Variants in ARPP21 observed in about 807,000 individuals in gnomAD.
ARPP21 encodes the protein cAMP regulated phosphoprotein 21.
ARPP21 carries 69 observed loss-of-function variants against 113.2 expected under a neutral mutation model. The ratio of observed to expected loss-of-function variants is 0.61; its 90% CI spans 0.50 to 0.74. The LOEUF (loss-of-function observed/expected upper bound fraction) is 0.74, where lower values mean the gene tolerates loss of function less well. Ranked by LOEUF, ARPP21 falls within the 30% of genes least tolerant of loss-of-function variation. The probability of loss-of-function intolerance (pLI) is 0.00; values close to 1 mark genes in which losing one functional copy is unlikely to be tolerated. For synonymous variants in ARPP21, 368 were observed against 375.5 expected (o/e 0.98, Z 0.23); for missense variants, 1,070 against 1,037.4 (o/e 1.03, Z -0.43).
At chr3:35,741,257 C>A (rs2094639550) in intron 18 of ARPP21, among the ~76,000 whole-genome samples, 1 of 152,168 alleles carries the variant, frequency 6.6e-6, no homozygotes, top group South Asian at 2.1e-4. Flanking sequence ...CCTTCTTTAA[C>A]AGATTTTTAA....
intron 19 of ARPP21, among the ~76,000 whole-genome samples, chr3:35,747,589 A>G (rs896610845): frequency 3.3e-5 from 5 of 152,064 alleles, no homozygotes; most frequent in Non-Finnish European, 7.4e-5. Flanking sequence ...TTGATAGCCC[A>G]AGTCTGTGTG....
At chr3:35,667,968 A>T (rs867622462) in intron 1 of ARPP21, among the ~76,000 whole-genome samples, 1 of 120,100 alleles carries the variant, frequency 8.3e-6, no homozygotes, top group East Asian at 2.3e-4. Flanking sequence ...AAGAAGAAGA[A>T]GAAGAAGAAG....
intron 11 of ARPP21, among the ~76,000 whole-genome samples, chr3:35,710,671 T>A (rs1175558740): frequency 1.3e-5 from 2 of 151,784 alleles, no homozygotes; most frequent in African/African-American, 4.8e-5. Context: ...ACACATAAAA[T>A]GCACATGCAA....
chr3:35,679,730 C>G (rs1171717134), intron 1 of ARPP21, 57 bp from the exon 2 acceptor site: 1 of 151,966 alleles, frequency 6.6e-6, no homozygotes, highest in African/African-American at 2.4e-5. Context: ...TTTATTTCAT[C>G]CTTCACCCTA....
Position 35,744,466 on chromosome 3 carries a change from C to T in ARPP21, c.2137+501C>T, listed in dbSNP as rs376370075. ...GGCCACATGCCTCCTGCCCAGAGCC[C>T]GGCAGCCACTGTGCAGTGGGAAGGG... On this transcript the variant is annotated intron_variant, in intron 19 of 20. Transcript: ENST00000684406. The T allele has an allele frequency of 4.0e-4, 211 of 526,670 alleles. 1 individual carries two copies. Among genetic ancestry groups the T allele is most frequent in the Non-Finnish European group, 6.3e-4 (163 of 257,322 alleles). 32.6% of individuals were successfully genotyped at this position (526,670 alleles called of 1,614,324 possible). A position where few individuals can be genotyped will look rare whatever the true frequency, so the allele number is the denominator to read the frequency against.
chr3:35,736,294 C>G (rs541899661), intron 15 of ARPP21, among the ~76,000 whole-genome samples: 15 of 152,258 alleles, frequency 9.9e-5, no homozygotes, highest in Middle Eastern at 3.4e-3. Flanking sequence ...TTTATGCCCC[C>G]ACACCCGCTC....
chr3:35,780,998 C>T (rs2096513329), intron 19 of ARPP21, among the ~76,000 whole-genome samples: 1 of 151,972 alleles, frequency 6.6e-6, no homozygotes, highest in Admixed American at 6.6e-5. Context: ...CTATAGCACC[C>T]CTCAGTGAGT....
intron 1 of ARPP21, among the ~76,000 whole-genome samples, chr3:35,643,063 A>G (rs942493855): frequency 6.6e-6 from 1 of 152,266 alleles, no homozygotes; most frequent in African/African-American, 2.4e-5. Flanking sequence ...CAACATTTGT[A>G]TATATGCAGA....
intron 13 of ARPP21, among the ~76,000 whole-genome samples, chr3:35,720,623 C>T (rs1007921816): frequency 7.2e-5 from 11 of 152,054 alleles, no homozygotes; most frequent in African/African-American, 9.7e-5. Flanking sequence ...AGGTATTTTA[C>T]GGATGCATTA....
rs566158106 is a variant in ARPP21, at chr3:35,719,365, T to G, written c.995+2008T>G. 3.7e-4 allele frequency among the ~76,000 whole-genome samples: 57 copies of G among 152,328 alleles called. 1 individual carries two copies. Among genetic ancestry groups the G allele is most frequent in the Admixed American group, 3.6e-3 (55 of 15,296 alleles). Reference sequence around the variant, plus strand: ...AAGCGGCAACTTAAATTTTCTTTTTTAAATGTACAGATTATGGCTTAGGAC... The same window carrying G: ...AAGCGGCAACTTAAATTTTCTTTTTGAAATGTACAGATTATGGCTTAGGAC... On this transcript the variant is annotated intron_variant, in intron 13 of 20. Coordinates refer to ENST00000684406, the MANE Select transcript of ARPP21 (RefSeq NM_001385562.1).
chr3:35,642,350 G>T (rs1698386396), intron 1 of ARPP21: 1 of 152,170 alleles, frequency 6.6e-6, no homozygotes, highest in South Asian at 2.1e-4. Flanking sequence ...AATAAAAGAA[G>T]CATGAGGGAA....
intron 19 of ARPP21, chr3:35,792,078 C>G (rs901628041): frequency 2.3e-5 from 5 of 217,302 alleles, no homozygotes; most frequent in Non-Finnish European, 1.8e-5. Flanking sequence ...TTATAGTAGT[C>G]AATTGGTATC....
intron 13 of ARPP21, 154 bp downstream of exon 13, chr3:35,717,511 C>A (rs2092581737): frequency 1.8e-6 from 1 of 561,860 alleles, no homozygotes; most frequent in South Asian, 2.4e-5. Flanking sequence ...GCGTGGAAGT[C>A]ATATTGGGTA....
In ARPP21 at chr3:35,669,953, C is replaced by T. The variant is rs904181565; in HGVS notation, c.-212-9834C>T. 2.0e-5 allele frequency among the ~76,000 whole-genome samples: 3 copies of T among 152,182 alleles called. No homozygotes were observed. In the East Asian group the frequency reaches 5.8e-4, roughly 30 times the overall value. ...TTCAGTACTGCATGGACCATTCAGC[C>T]CTGGGACCACACACCAATGTCTGTC... On this transcript the variant is annotated intron_variant, in intron 1 of 20. Transcript: ENST00000684406.
chr3:35,659,126 T>A (rs2149110601), intron 1 of ARPP21, among the ~76,000 whole-genome samples: 1 of 152,320 alleles, frequency 6.6e-6, no homozygotes, highest in African/African-American at 2.4e-5. Flanking sequence ...TTGCAAGTTT[T>A]TCTTCAAATA....
At chr3:35,657,828 T>A (rs1705728810) in intron 1 of ARPP21, among the ~76,000 whole-genome samples, 1 of 152,052 alleles carries the variant, frequency 6.6e-6, no homozygotes, top group South Asian at 2.1e-4. Context: ...TGAGGCTCCA[T>A]AAACCTTAGA....
At chr3:35,701,447 T>C (rs541503355) in intron 9 of ARPP21, among the ~76,000 whole-genome samples, 25 of 151,884 alleles carry the variant, frequency 1.6e-4, no homozygotes, top group African/African-American at 5.8e-4. Context: ...ATCTGACCTG[T>C]GTGACTGTTA....
rs757542723 is a variant in ARPP21, at chr3:35,667,841, A to AAAGAAGAAGAAGAAGAAGAAGAAGAAG, written c.-212-11923_-212-11897dup. Among the ~76,000 whole-genome samples, 156 of 81,508 alleles carry AAAGAAGAAGAAGAAGAAGAAGAAGAAG rather than the reference A, an allele frequency of 1.9e-3. 16 individuals are homozygous for AAAGAAGAAGAAGAAGAAGAAGAAGAAG. Among genetic ancestry groups the AAAGAAGAAGAAGAAGAAGAAGAAGAAG allele is most frequent in the African/African-American group, 7.2e-3 (121 of 16,756 alleles). 53.5% of individuals were successfully genotyped at this position (81,508 alleles called of 152,430 possible). A position where few individuals can be genotyped will look rare whatever the true frequency, so the allele number is the denominator to read the frequency against. On this transcript the variant is annotated intron_variant, in intron 1 of 20. Coordinates refer to ENST00000684406, the MANE Select transcript of ARPP21 (RefSeq NM_001385562.1). ...GATCACCTGCAGTACTTTTATTCTC[A>AAAGAAGAAGAAGAAGAAGAAGAAGAAG]AAGAAGAAGAAGAAGAAGAAGAAGA...
chr3:35,751,993 A>G (rs1576629323), intron 19 of ARPP21, among the ~76,000 whole-genome samples: 1 of 152,230 alleles, frequency 6.6e-6, no homozygotes, highest in East Asian at 1.9e-4. Flanking sequence ...AAAGAACTGG[A>G]GATTCTCCAA....
Sources: allele counts gnomAD v4.1 joint callset (sites outside exome capture counted in the v4.1 genomes callset), GRCh38; gene constraint gnomAD v4.1.1; transcripts MANE v1.5; gene names NCBI Gene and HGNC (gene_info 2026-07-23, HGNC 2026-07-21).